TCF4: variants seen among roughly 807,000 people sequenced by gnomAD.
TCF4 encodes the protein transcription factor 4, also known as SL3-3 enhancer factor 2.
TCF4 carries 3 observed loss-of-function variants against 82.1 expected under a neutral mutation model. That is an observed-to-expected ratio of 0.04 (90% confidence interval 0.02 to 0.09). The LOEUF is 0.09. Ranked by LOEUF, TCF4 falls within the 10% of genes least tolerant of loss-of-function variation. The pLI is 1.00. For missense variants in TCF4, 518 were observed against 852.7 expected (o/e 0.61, Z 4.89); for synonymous variants, 276 against 309.6 (o/e 0.89, Z 1.14).
intron 19 of TCF4, 34 bp from the exon 20 acceptor site, chr18:55,228,064 A>C: frequency 2.2e-6 from 2 of 918,450 alleles, no homozygotes; most frequent in Middle Eastern, 2.4e-4. Flanking sequence ...AAAATTCATT[A>C]ATATATTTGT....
chr18:55,276,838 C>G (rs1455676672), intron 9 of TCF4, among the ~76,000 whole-genome samples: 1 of 152,156 alleles, frequency 6.6e-6, no homozygotes, highest in Non-Finnish European at 1.5e-5. Context: ...AAAGTTAAAT[C>G]TGACACTGTA....
intron 2 of TCF4, among the ~76,000 whole-genome samples, chr18:55,618,748 ATTAATTTT>A (rs2097714679): frequency 1.4e-5 from 1 of 72,158 alleles, no homozygotes. Context: ...TGGCTGGCTA[ATTAATTTT>A]TTTTTTTTTT....
intron 3 of TCF4, among the ~76,000 whole-genome samples, chr18:55,545,150 C>A (rs758809639): frequency 1.3e-5 from 2 of 152,176 alleles, no homozygotes; most frequent in Non-Finnish European, 2.9e-5. Flanking sequence ...GCCTCATCTG[C>A]AAAACAGGGA....
intron 8 of TCF4, among the ~76,000 whole-genome samples, chr18:55,297,985 A>G (rs1266463851): frequency 6.6e-6 from 1 of 152,184 alleles, no homozygotes; most frequent in Non-Finnish European, 1.5e-5. Context: ...ATGTAGTAAT[A>G]TTTTAGAAGA....
At chr18:55,373,535 G>A (rs987477419) in intron 6 of TCF4, among the ~76,000 whole-genome samples, 39 of 152,182 alleles carry the variant, frequency 2.6e-4, no homozygotes, top group African/African-American at 8.7e-4. Flanking sequence ...AAAATAGGCC[G>A]GGTGCAGTGG....
intron 8 of TCF4, among the ~76,000 whole-genome samples, chr18:55,288,319 T>C (rs1295785880): frequency 6.6e-6 from 1 of 152,216 alleles, no homozygotes; most frequent in African/African-American, 2.4e-5. Flanking sequence ...ATCAGCTCTA[T>C]TGCAGCCAAA....
intron 3 of TCF4, among the ~76,000 whole-genome samples, chr18:55,543,229 T>C (rs181300031): frequency 1.7e-3 from 257 of 152,192 alleles, no homozygotes; most frequent in Non-Finnish European, 1.9e-3. Flanking sequence ...TTTGCAGCTA[T>C]ATACCCTGAG....
At chr18:55,622,547 T>C (rs1201628904) in intron 2 of TCF4, among the ~76,000 whole-genome samples, 2 of 151,242 alleles carry the variant, frequency 1.3e-5, no homozygotes, top group Non-Finnish European at 2.9e-5. Context: ...GTTTAGTTTA[T>C]CATAATAGTG....
At chr18:55,369,067 T>C (rs898191490) in intron 6 of TCF4, among the ~76,000 whole-genome samples, 1 of 152,206 alleles carries the variant, frequency 6.6e-6, no homozygotes, top group Admixed American at 6.5e-5. Context: ...GGATACTATA[T>C]AACAAAAGAC....
In TCF4 at chr18:55,405,674, C is replaced by T. The variant is rs1239901903; in HGVS notation, c.305-2156G>A. ...TTCCATTATTTTAAAGATAAAAGGG[C>T]AGGATTTTAAAAGGAGAGAGAGAAT... On this transcript the variant is annotated intron_variant, in intron 5 of 19. Transcript: ENST00000354452. Among the ~76,000 whole-genome samples, 4 of 151,576 alleles carry T rather than the reference C, an allele frequency of 2.6e-5. No homozygotes were observed. In the East Asian group the frequency reaches 5.8e-4, roughly 22 times the overall value.
chr18:55,621,278 A>G (rs931367720), intron 2 of TCF4, among the ~76,000 whole-genome samples: 1 of 150,484 alleles, frequency 6.6e-6, no homozygotes, highest in African/African-American at 2.4e-5. Context: ...GTGCTATTAG[A>G]TTCAGGCCTA....
At chr18:55,441,504 G>C (rs2095437987) in intron 5 of TCF4, among the ~76,000 whole-genome samples, 1 of 152,092 alleles carries the variant, frequency 6.6e-6, no homozygotes, top group South Asian at 2.1e-4. Flanking sequence ...TACTATCTGA[G>C]AGACAGAATT....
At chr18:55,478,068 G>A (rs1473885843) in intron 3 of TCF4, among the ~76,000 whole-genome samples, 1 of 152,198 alleles carries the variant, frequency 6.6e-6, no homozygotes, top group African/African-American at 2.4e-5. Flanking sequence ...CCTGAAGAAT[G>A]ACGATAACCA....
Position 55,616,046 on chromosome 18 carries a change from A to G in TCF4, c.286+15252T>C, listed in dbSNP as rs372353930. Among the ~76,000 whole-genome samples, 43 of 152,250 alleles carry G rather than the reference A, an allele frequency of 2.8e-4. 1 individual carries two copies. The South Asian group carries it at 8.9e-3, about 32-fold the overall frequency. ...CAGTGCACATAGAGTATTGTGAACT[A>G]TAAACTCAATGCTGTACAACAGATC... is the stretch of plus-strand genomic sequence containing the variant. On this transcript the variant is annotated intron_variant, in intron 2 of 20. Coordinates refer to the TCF4 transcript ENST00000398339.
chr18:55,565,028 T>C (rs769485027), intron 3 of TCF4, among the ~76,000 whole-genome samples: 8 of 152,134 alleles, frequency 5.3e-5, no homozygotes, highest in Non-Finnish European at 1.2e-4. Context: ...CATTTCCTCT[T>C]CCAACAAAAG....
At chr18:55,555,316 T>C (rs140370092) in intron 3 of TCF4, among the ~76,000 whole-genome samples, 1 of 152,172 alleles carries the variant, frequency 6.6e-6, no homozygotes, top group African/African-American at 2.4e-5. Context: ...GGGAAAGCCA[T>C]CAGTTTGACT....
chr18:55,432,450 A>G (rs2095231965), intron 5 of TCF4, among the ~76,000 whole-genome samples: 1 of 152,148 alleles, frequency 6.6e-6, no homozygotes, highest in Admixed American at 6.5e-5. Context: ...CAAATCTTAC[A>G]CTGGGCACTT....
intron 3 of TCF4, among the ~76,000 whole-genome samples, chr18:55,531,054 C>T (rs1448159351): frequency 2.0e-5 from 3 of 151,928 alleles, no homozygotes; most frequent in Admixed American, 6.6e-5. Context: ...CGGGTTCAAG[C>T]GATTCTCCTG....
intron 8 of TCF4, among the ~76,000 whole-genome samples, chr18:55,281,486 G>C (rs2062595479): frequency 6.6e-6 from 1 of 152,158 alleles, no homozygotes; most frequent in South Asian, 2.1e-4. Flanking sequence ...CATAAGCTAA[G>C]TGTACTATGG....
Sources: allele counts gnomAD v4.1 joint callset (sites outside exome capture counted in the v4.1 genomes callset), GRCh38; gene constraint gnomAD v4.1.1; transcripts MANE v1.5; gene names NCBI Gene and HGNC (gene_info 2026-07-23, HGNC 2026-07-21).